Variants in PCDHA7 observed in about 807,000 individuals in gnomAD.
PCDHA7 encodes the protein protocadherin alpha-7.
Under a neutral mutation model 57.2 loss-of-function variants are expected in PCDHA7, and 37 were observed. The ratio of observed to expected loss-of-function variants is 0.65; its 90% CI spans 0.50 to 0.85. The LOEUF (loss-of-function observed/expected upper bound fraction) is 0.85. Ranked by LOEUF, PCDHA7 falls within the 40% of genes least tolerant of loss-of-function variation. PCDHA7 has a pLI of 0.00. For synonymous variants in PCDHA7, 553 were observed against 558.8 expected, an observed-to-expected ratio of 0.99 and a Z score of 0.15; for missense variants, 1,188 against 1,241.8, an observed-to-expected ratio of 0.96 and a Z score of 0.65.
intron 1 of PCDHA7, among the ~76,000 whole-genome samples, chr5:140,951,868 G>A (rs1325001328): frequency 2.6e-5 from 4 of 152,132 alleles, no homozygotes; most frequent in African/African-American, 9.7e-5. Flanking sequence ...AGTCTCATCT[G>A]AGACAAGGCA....
Position 140,876,936 on chromosome 5 carries a change from G to C in PCDHA7, c.2355+40198G>C, listed in dbSNP as rs567563243. On this transcript the variant is annotated intron_variant, in intron 1 of 3. Transcript: ENST00000525929. ...GGGACGCGGACGCGCAGAAGAACGCGCTGGTGTCCTACTCGCTGGTGGAGC... is the reference window on the plus strand; with the variant it reads ...GGGACGCGGACGCGCAGAAGAACGCCCTGGTGTCCTACTCGCTGGTGGAGC... 190 of 1,613,730 alleles carry C rather than the reference G, an allele frequency of 1.2e-4. 1 individual carries two copies. The highest frequency in any genetic ancestry group is 1.5e-4 in the South Asian group (14 of 91,062).
chr5:140,856,479 C>T, intron 1 of PCDHA7: 1 of 1,598,354 alleles, frequency 6.3e-7, no homozygotes, highest in Non-Finnish European at 8.6e-7. Context: ...ATACCTGAAT[C>T]CAGACTGCTT....
chr5:140,846,374 T>C (rs1024304715), intron 1 of PCDHA7, among the ~76,000 whole-genome samples: 1 of 30,854 alleles, frequency 3.2e-5, no homozygotes, highest in African/African-American at 1.1e-4. Context: ...TCTTTCTTTC[T>C]TTTTTTTTTT....
rs139113749 is a variant in PCDHA7, at chr5:140,843,258, G to C, written c.2355+6520G>C. On this transcript the variant is annotated intron_variant, in intron 1 of 3. Transcript: ENST00000525929. ...GACGAAGCGGACTCTCCGCGCCACC[G>C]TCTGCTGGTCCTGGTGAAGGATCAT... 5 of 1,595,952 alleles carry C rather than the reference G, an allele frequency of 3.1e-6. 1 individual carries two copies. The African/African-American group carries it at 5.4e-5, about 17-fold the overall frequency.
rs117857377 is a variant in PCDHA7, at chr5:140,947,298, A to G, written c.2356-31651A>G. ...TTTTTCTTTTTATTGCATTATCTTG[A>G]CATCTTTGTAAAAAGTCGGTTGACC... On this transcript the variant is annotated intron_variant, in intron 1 of 3. Transcript: ENST00000525929. Among the ~76,000 whole-genome samples, 349 of 151,704 alleles carry G rather than the reference A, an allele frequency of 2.3e-3. 8 individuals carry two copies. In the East Asian group the frequency reaches 0.06, roughly 26 times the overall value.
At chr5:140,975,475 A>G (rs546732390) in intron 1 of PCDHA7, among the ~76,000 whole-genome samples, 5 of 152,368 alleles carry the variant, frequency 3.3e-5, no homozygotes, top group African/African-American at 1.2e-4. Flanking sequence ...TCTGCCTATC[A>G]GTTTATATCA....
intron 1 of PCDHA7, among the ~76,000 whole-genome samples, chr5:140,936,603 C>T (rs552102837): frequency 2.0e-5 from 3 of 152,324 alleles, no homozygotes; most frequent in Admixed American, 6.5e-5. Context: ...CTACTTTCCT[C>T]GCTGCTACTG....
intron 1 of PCDHA7, chr5:140,862,930 C>T (rs1581662470): frequency 1.8e-6 from 1 of 542,144 alleles, no homozygotes; most frequent in East Asian, 4.9e-5. Flanking sequence ...GGGCTGGCGG[C>T]GCTGTGAGTG....
chr5:140,863,392 C>A (rs782692076), intron 1 of PCDHA7: 3 of 921,584 alleles, frequency 3.3e-6, no homozygotes, highest in Non-Finnish European at 3.4e-6. Context: ...CTCGTGCATG[C>A]CGGGCAAGCC....
intron 1 of PCDHA7, chr5:140,854,328 A>C (rs1562493993): frequency 4.6e-6 from 1 of 216,912 alleles, no homozygotes; most frequent in Non-Finnish European, 7.8e-6. Context: ...TGGCAAACTT[A>C]TTTTACGCTC....
intron 1 of PCDHA7, among the ~76,000 whole-genome samples, chr5:140,939,879 T>C (rs565550218): frequency 2.0e-5 from 3 of 152,208 alleles, no homozygotes; most frequent in Non-Finnish European, 4.4e-5. Flanking sequence ...CTTTGCTAGT[T>C]GTGTTGTTCA....
chr5:140,970,595 G>C (rs1554232604), intron 1 of PCDHA7, among the ~76,000 whole-genome samples: 1 of 152,098 alleles, frequency 6.6e-6, no homozygotes, highest in African/African-American at 2.4e-5. Context: ...TATGCTTTGT[G>C]ATACTTAAAA....
chr5:140,900,227 G>C (rs1425549345), intron 1 of PCDHA7, among the ~76,000 whole-genome samples: 1 of 152,038 alleles, frequency 6.6e-6, no homozygotes, highest in Admixed American at 6.6e-5. Flanking sequence ...CAAATGACTG[G>C]ATCTTGTTTT....
At chr5:140,968,339 A>C in intron 1 of PCDHA7, 1 of 1,614,114 alleles carries the variant, frequency 6.2e-7, no homozygotes, top group Non-Finnish European at 8.5e-7. Flanking sequence ...TGTCTCCATT[A>C]ACAGTGCCAG....
chr5:140,850,124 G>C lies in PCDHA7; in HGVS notation c.2355+13386G>C, dbSNP rs1321633502. On this transcript the variant is annotated intron_variant, in intron 1 of 3. Coordinates refer to ENST00000525929, the MANE Select transcript of PCDHA7 (RefSeq NM_018910.3). ...TGAGCGCGCGCGACGCGGGCGTGCCGCCTCTGGGCAGCAACGTGACGCTGC... is the reference window on the plus strand; with the variant it reads ...TGAGCGCGCGCGACGCGGGCGTGCCCCCTCTGGGCAGCAACGTGACGCTGC... The C allele has an allele frequency of 1.9e-6, 3 of 1,595,828 alleles. 1 individual carries two copies. The highest frequency in any genetic ancestry group is 2.7e-5 in the African/African-American group (2 of 74,384).
rs2150260736 is a variant in PCDHA7, at chr5:140,836,427, G to A, written c.2044G>A (p.Ala682Thr). Residue 682 changes from alanine to threonine, a missense_variant, in exon 1 of 4, where the codon GCA becomes ACA. Coordinates refer to ENST00000525929, the MANE Select transcript of PCDHA7 (RefSeq NM_018910.3). Reference protein sequence around the residue: ...SGQAPKASSRASLGIAGPETE... With the variant: ...SGQAPKASSRTSLGIAGPETE... ...CCAGGCACCAAAGGCGTCGTCGCGG[G>A]CATCGTTGGGCATTGCAGGCCCAGA... The A allele has an allele frequency of 6.2e-7, 1 of 1,613,858 alleles. No individual in the cohort carries two copies. The highest frequency in any genetic ancestry group is 1.1e-5 in the South Asian group (1 of 91,082).
chr5:140,896,410 T>C (rs1554186951), intron 1 of PCDHA7, among the ~76,000 whole-genome samples: 1 of 152,154 alleles, frequency 6.6e-6, no homozygotes, highest in Non-Finnish European at 1.5e-5. Context: ...TTTTGACTTT[T>C]TAGTAATAGC....
At position 140,842,875 on chromosome 5, in the gene PCDHA7, C is replaced by T. The variant is rs2150347019; in HGVS notation, c.2355+6137C>T. ...TGCACACGGAGAGCGGCAAGGTGTA[C>T]GCGCTGCAGCCGCTGGACCACGAGG... is the stretch of plus-strand genomic sequence containing the variant. On this transcript the variant is annotated intron_variant, in intron 1 of 3. Transcript: ENST00000525929. 2.5e-6 allele frequency: 4 copies of T among 1,593,864 alleles called. No homozygotes were observed. In the African/African-American group the frequency reaches 4.0e-5, roughly 16 times the overall value.
At chr5:140,923,043 T>C (rs1274355780) in intron 1 of PCDHA7, among the ~76,000 whole-genome samples, 2 of 152,228 alleles carry the variant, frequency 1.3e-5, no homozygotes, top group Non-Finnish European at 1.5e-5. Context: ...ACATGTATAG[T>C]ATTTAGAATA....
Sources: gnomAD v4.1 joint callset for allele counts (sites outside exome capture counted in the v4.1 genomes callset) on GRCh38, gnomAD v4.1.1 for gene constraint, MANE v1.5 for transcripts, NCBI Gene and HGNC (gene_info 2026-07-23, HGNC 2026-07-21) for gene names.